Variants in HYDIN observed in about 807,000 individuals in gnomAD.
HYDIN encodes axonemal central pair apparatus protein HYDIN.
In HYDIN, 132 loss-of-function variants were observed where a neutral mutation model predicts 403.9. That is an observed-to-expected ratio of 0.33 (90% CI 0.28 to 0.38). HYDIN has a LOEUF of 0.38. Ranked by LOEUF, HYDIN falls within the 10% of genes least tolerant of loss-of-function variation. The pLI is 1.00. For synonymous variants in HYDIN, 1,202 were observed against 1,891.7 expected (o/e 0.64, Z 9.46); for missense variants, 2,827 against 5,009.5 (o/e 0.56, Z 13.15).
intron 20 of HYDIN, among the ~76,000 whole-genome samples, chr16:71,026,732 T>C (rs1163406274): frequency 7.2e-5 from 11 of 152,234 alleles, no homozygotes; most frequent in Non-Finnish European, 1.5e-4. Flanking sequence ...AAATGCTCTA[T>C]GAAGAAATAA....
intron 1 of HYDIN, among the ~76,000 whole-genome samples, chr16:71,218,219 T>A (rs1258636695): frequency 2.6e-5 from 4 of 152,152 alleles, no homozygotes; most frequent in African/African-American, 4.8e-5. Context: ...AAAGATCCAC[T>A]CTAAAACATA....
chr16:71,225,841 T>C (rs1448498504), intron 1 of HYDIN, among the ~76,000 whole-genome samples: 1 of 151,666 alleles, frequency 6.6e-6, no homozygotes, highest in African/African-American at 2.4e-5. Flanking sequence ...AAACAGAAAA[T>C]AAAAACAGAG....
chr16:70,946,061 T>C (rs1333389924), intron 41 of HYDIN, among the ~76,000 whole-genome samples: 1 of 145,336 alleles, frequency 6.9e-6, no homozygotes, highest in East Asian at 2.0e-4. Flanking sequence ...CTGACAGAAG[T>C]AGAGTAGGGG....
intron 21 of HYDIN, among the ~76,000 whole-genome samples, chr16:71,022,550 C>T (rs184187713): frequency 8.8e-4 from 134 of 152,180 alleles, no homozygotes; most frequent in Non-Finnish European, 1.4e-3. Context: ...TGCCCTTGAG[C>T]TGAAATCAGG....
In HYDIN at chr16:70,936,013, C is replaced by G; in HGVS notation, c.7097G>C (p.Gly2366Ala). Residue 2366 changes from glycine to alanine, a missense_variant, in exon 45 of 86, where the codon GGA becomes GCA. Transcript: ENST00000393567. ...EDELKRRVKK[G>A]KQGPIKEEPP... ...CTCCTCCTTAATGGGTCCCTGCTTT[C>G]CTTTTTTGACCCTCCGTTTCAGCTC... is the stretch of plus-strand genomic sequence containing the variant. The G allele has an allele frequency of 1.7e-6, 1 of 590,496 alleles. No individual in the cohort carries two copies. Among genetic ancestry groups the G allele is most frequent in the Non-Finnish European group, 2.9e-6 (1 of 343,396 alleles). 36.6% of individuals were successfully genotyped at this position (590,496 alleles called of 1,614,324 possible).
At chr16:71,117,691 CA>C (rs1469508365) in intron 9 of HYDIN, among the ~76,000 whole-genome samples, 1 of 151,860 alleles carries the variant, frequency 6.6e-6, no homozygotes, top group Non-Finnish European at 1.5e-5. Flanking sequence ...GCTCCAGCTC[CA>C]GACAGTCCCT....
chr16:71,120,702 C>CCCTT (rs1286850950), intron 9 of HYDIN, among the ~76,000 whole-genome samples: 6 of 151,812 alleles, frequency 4.0e-5, no homozygotes, highest in African/African-American at 9.7e-5. Flanking sequence ...CTTCGTTTCT[C>CCCTT]CCTTCCTTCC....
At chr16:71,037,872 C>T (rs1419406148) in intron 18 of HYDIN, among the ~76,000 whole-genome samples, 4 of 152,214 alleles carry the variant, frequency 2.6e-5, no homozygotes, top group Admixed American at 1.3e-4. Flanking sequence ...CTGACTATGG[C>T]TGGACCCCTT....
At chr16:71,109,711 T>TTA (rs1300757793) in intron 10 of HYDIN, among the ~76,000 whole-genome samples, 1 of 135,846 alleles carries the variant, frequency 7.4e-6, no homozygotes, top group African/African-American at 3.8e-5. Flanking sequence ...AGATGGAAAA[T>TTA]TATACTATTC....
chr16:71,178,419 C>CA (rs72161442), intron 4 of HYDIN, among the ~76,000 whole-genome samples: 2,518 of 123,952 alleles, frequency 0.02, 41 homozygotes, highest in South Asian at 0.037. Flanking sequence ...AACTCTGTCT[C>CA]AAAAAAAAAA....
At chr16:71,057,599 T>C (rs1360323355) in intron 18 of HYDIN, among the ~76,000 whole-genome samples, 2 of 152,024 alleles carry the variant, frequency 1.3e-5, no homozygotes, top group Non-Finnish European at 2.9e-5. Context: ...AAACATTTTA[T>C]ATTTAAATTT....
At chr16:70,835,083 C>A (rs1402778781) in intron 78 of HYDIN, among the ~76,000 whole-genome samples, 1 of 149,970 alleles carries the variant, frequency 6.7e-6, no homozygotes, top group Non-Finnish European at 1.5e-5. Context: ...CTGCAACCTC[C>A]GCCTCCTGGG....
intron 47 of HYDIN, among the ~76,000 whole-genome samples, chr16:70,915,961 G>C (rs1413966223): frequency 6.6e-6 from 1 of 152,226 alleles, no homozygotes; most frequent in Non-Finnish European, 1.5e-5. Flanking sequence ...CAGCTCCCAT[G>C]CAATCCAAAG....
At chr16:70,959,981 G>C (rs1364698741) in intron 38 of HYDIN, among the ~76,000 whole-genome samples, 161 bp from the exon 39 acceptor site, 1 of 152,178 alleles carries the variant, frequency 6.6e-6, no homozygotes, top group Non-Finnish European at 1.5e-5. Context: ...TGTACGACTA[G>C]GCCCTTTTGG....
At chr16:71,052,619 G>A (rs1178772634) in intron 18 of HYDIN, among the ~76,000 whole-genome samples, 4 of 130,758 alleles carry the variant, frequency 3.1e-5, no homozygotes, top group Non-Finnish European at 6.4e-5. Context: ...CACTGGCTGA[G>A]GCGGGTGGAT....
At chr16:70,943,669 G>C (rs1222865666) in intron 42 of HYDIN, 143 bp downstream of exon 42, 3 of 1,181,114 alleles carry the variant, frequency 2.5e-6, no homozygotes, top group African/African-American at 3.1e-5. Context: ...GTCGACAAGA[G>C]CTGTCAAAAA....
At chr16:71,175,231 ATAC>A (rs2086623754) in intron 5 of HYDIN, among the ~76,000 whole-genome samples, 3 of 151,666 alleles carry the variant, frequency 2.0e-5, no homozygotes, top group South Asian at 2.1e-4. Context: ...CTACACTACC[ATAC>A]TACTAATACC....
intron 12 of HYDIN, among the ~76,000 whole-genome samples, chr16:71,085,527 C>A (rs1046179449): frequency 2.0e-5 from 3 of 151,234 alleles, no homozygotes; most frequent in Non-Finnish European, 4.4e-5. Context: ...TGATCTTCTG[C>A]TTAGTTTTTT....
chr16:70,850,457 G>A lies in HYDIN; in HGVS notation c.12642C>T (p.Asn4214=), dbSNP rs2038553486. ...CTTCTTACACCTTTACCTCATAGAA[G>A]TTGATGATGTTAGTCTGGTTGGGAG... is the stretch of plus-strand genomic sequence containing the variant. The part of the protein sequence containing the change: ...LLTPNQTNII[N]FYEVELNECV... The change falls in exon 74 of 86, where the codon AAC becomes AAT. Residue 4214 remains asparagine, a synonymous_variant. Transcript: ENST00000393567. The A allele has an allele frequency of 6.6e-7, 1 of 1,515,368 alleles. No individual in the cohort carries two copies. The highest frequency in any genetic ancestry group is 9.1e-7 in the Non-Finnish European group (1 of 1,104,884). The allele number at this position is 1,515,368 out of a possible 1,614,324, so 93.9% of individuals were successfully genotyped here.
Sources: gnomAD v4.1 joint callset for allele counts (sites outside exome capture counted in the v4.1 genomes callset) on GRCh38, gnomAD v4.1.1 for gene constraint, MANE v1.5 for transcripts, NCBI Gene and HGNC (gene_info 2026-07-23, HGNC 2026-07-21) for gene names.